SH3BP5: variants seen among roughly 807,000 people sequenced by gnomAD.
The protein encoded by SH3BP5 is SH3 domain-binding protein 5.
In SH3BP5, 22 loss-of-function variants were observed where a neutral mutation model predicts 43.3. The ratio of observed to expected loss-of-function variants is 0.51; its 90% CI spans 0.36 to 0.73. The LOEUF (loss-of-function observed/expected upper bound fraction) is 0.73. SH3BP5 is among the 30% of genes least tolerant of loss of function. The pLI is 0.00. For missense variants in SH3BP5, 529 were observed against 586.9 expected, an observed-to-expected ratio of 0.90 and a Z score of 1.02; for synonymous variants, 255 against 225.8, an observed-to-expected ratio of 1.13 and a Z score of -1.16.
chr3:15,320,890 G>A (rs981785293), intron 2 of SH3BP5, among the ~76,000 whole-genome samples: 2 of 152,148 alleles, frequency 1.3e-5, no homozygotes, highest in African/African-American at 4.8e-5. Flanking sequence ...TAGGAAAGTC[G>A]GCGTGTACTG....
chr3:15,256,123 C>T lies in SH3BP5; in HGVS notation c.1331G>A (p.Gly444Glu). The T allele has an allele frequency of 6.2e-7, 1 of 1,614,194 alleles. No individual in the cohort carries two copies. Among genetic ancestry groups the T allele is most frequent in the Non-Finnish European group, 8.5e-7 (1 of 1,180,008 alleles). The change falls in exon 9 of 9, where the codon GGA becomes GAA. Residue 444 changes from glycine to glutamate, a missense_variant. Physicochemically the swap from Gly to Glu is moderately conservative, Grantham distance 98. Around this residue, in one of 3 missense-constraint regions of SH3BP5, gnomAD observed 369 missense variants for 384.3 expected, o/e 0.96. Coordinates refer to ENST00000383791, the MANE Select transcript of SH3BP5 (RefSeq NM_004844.5). ...CACCATTTTTATGTCAGCAATAATT[C>T]CATCTCTTCCCTTTGAGCACTGTAG... ...LSLQCSKGRD[G>E]IIADIKMVQI...
rs11475958 is a variant in SH3BP5 at position 15,305,116 on chromosome 3, CAA to C, written c.202-887_202-886del. Reference sequence around the variant, plus strand: ...TGGGTGACAGAGTGAGACACTGTCTCAAAAAAAAAAAAAATTAATTCATTATA... The same window carrying C: ...TGGGTGACAGAGTGAGACACTGTCTCAAAAAAAAAAAATTAATTCATTATA... On this transcript the variant is annotated intron_variant, in intron 2 of 8. Coordinates refer to ENST00000383791, the MANE Select transcript of SH3BP5 (RefSeq NM_004844.5). 4.1e-3 allele frequency among the ~76,000 whole-genome samples: 479 copies of C among 116,098 alleles called. 3 individuals carry two copies. The highest frequency in any genetic ancestry group is 0.012 in the South Asian group (47 of 3,922). The allele number at this position is 116,098 out of a possible 152,430, so 76.2% of individuals were successfully genotyped here. A position where few individuals can be genotyped will look rare whatever the true frequency, so the allele number is the denominator to read the frequency against.
intron 3 of SH3BP5, among the ~76,000 whole-genome samples, chr3:15,296,446 G>T (rs1045593504): frequency 1.3e-5 from 2 of 152,096 alleles, no homozygotes; most frequent in African/African-American, 2.4e-5. Flanking sequence ...AGACTGCCAT[G>T]AGGGGAATGT....
intron 4 of SH3BP5, among the ~76,000 whole-genome samples, chr3:15,264,803 T>C (rs1286518501): frequency 6.6e-6 from 1 of 152,264 alleles, no homozygotes; most frequent in Non-Finnish European, 1.5e-5. Flanking sequence ...CTTTAAGGAT[T>C]TACTGGTATA....
intron 3 of SH3BP5, among the ~76,000 whole-genome samples, chr3:15,301,198 A>T (rs2125107937): frequency 6.6e-6 from 1 of 152,302 alleles, no homozygotes; most frequent in East Asian, 1.9e-4. Context: ...AACTCAACCC[A>T]GACGAGGCTG....
chr3:15,288,615 G>A (rs1697329149), intron 3 of SH3BP5, among the ~76,000 whole-genome samples: 1 of 152,204 alleles, frequency 6.6e-6, no homozygotes, highest in East Asian at 1.9e-4. Context: ...AAATTAGCCA[G>A]ACATGGTGGT....
At chr3:15,280,288 T>C (rs1697086099) in intron 3 of SH3BP5, among the ~76,000 whole-genome samples, 2 of 152,152 alleles carry the variant, frequency 1.3e-5, no homozygotes, top group South Asian at 2.1e-4. Flanking sequence ...CGCTCTCACC[T>C]TCATGCTCTA....
At chr3:15,333,997 A>C (rs1435896753), upstream of SH3BP5, among the ~76,000 whole-genome samples, 1 of 152,206 alleles carries the variant, frequency 6.6e-6, no homozygotes, top group Admixed American at 6.5e-5. Flanking sequence ...TGAGCCTCCA[A>C]CTTTGCAGGT....
chr3:15,325,490 C>T (rs1698437527), intron 2 of SH3BP5, among the ~76,000 whole-genome samples: 1 of 152,242 alleles, frequency 6.6e-6, no homozygotes, highest in Non-Finnish European at 1.5e-5. Flanking sequence ...TACTGCATTC[C>T]TCTCCCTCCC....
intron 4 of SH3BP5, among the ~76,000 whole-genome samples, chr3:15,266,961 T>A (rs1696663682): frequency 6.6e-6 from 1 of 152,254 alleles, no homozygotes; most frequent in Non-Finnish European, 1.5e-5. Flanking sequence ...GCCACTGCCA[T>A]TTCTTCAAGA....
Position 15,255,518 on chromosome 3 carries a change from C to T in SH3BP5, c.*568G>A, listed in dbSNP as rs1696163531. 6.6e-6 allele frequency: 1 copy of T among 152,342 alleles called. No homozygotes were observed. Among genetic ancestry groups the T allele is most frequent in the Admixed American group, 6.6e-5 (1 of 15,258 alleles). 9.4% of individuals were successfully genotyped at this position (152,342 alleles called of 1,614,324 possible). A position where few individuals can be genotyped will look rare whatever the true frequency, so the allele number is the denominator to read the frequency against. On this transcript the variant is annotated 3_prime_UTR_variant, in exon 9 of 9. Coordinates refer to ENST00000383791, the MANE Select transcript of SH3BP5 (RefSeq NM_004844.5). ...TTTAATGGGTATCCCAGCATACACG[C>T]TTTTTTAAAAGCCCCCTCTGAACAC...
In SH3BP5 at chr3:15,262,166, T is replaced by C; in HGVS notation, c.619A>G (p.Lys207Glu). 6.2e-7 allele frequency: 1 copy of C among 1,614,056 alleles called. No individual in the cohort carries two copies. The highest frequency in any genetic ancestry group is 2.2e-5 in the East Asian group (1 of 44,876). Residue 207 changes from lysine (K) to glutamate (E), a missense_variant, in exon 5 of 9, where the codon AAG becomes GAG. Lys to Glu is a moderately conservative substitution (Grantham distance 56). This residue lies in a region of SH3BP5 where 369 missense variants were observed against 384.3 expected (regional missense o/e 0.96). Coordinates refer to ENST00000383791, the MANE Select transcript of SH3BP5 (RefSeq NM_004844.5). ...GGCCCTGTCCAGACTTACTTGGACT[T>C]GTTGATGGCTCTCTTGAGTTTCTTC... ...LEKKLKRAIN[K>E]SKPYFELKAK...
At chr3:15,301,539 G>A (rs539295014) in intron 3 of SH3BP5, among the ~76,000 whole-genome samples, 3 of 152,270 alleles carry the variant, frequency 2.0e-5, no homozygotes, top group Admixed American at 2.0e-4. Flanking sequence ...AAAAAGGAAA[G>A]CAAGGCATGG....
chr3:15,324,808 T>G (rs564100995), intron 2 of SH3BP5, among the ~76,000 whole-genome samples: 1 of 146,916 alleles, frequency 6.8e-6, no homozygotes, highest in Admixed American at 6.9e-5. Context: ...ACCTCCAAGT[T>G]TCTAAGCTCA....
chr3:15,260,134 C>G (rs1256681867), intron 5 of SH3BP5: 1 of 353,474 alleles, frequency 2.8e-6, no homozygotes, highest in Non-Finnish European at 5.3e-6. Context: ...ACAGGTTATA[C>G]CCAGCAGTAA....
intron 4 of SH3BP5, chr3:15,264,506 A>T (rs781404616): frequency 7.9e-5 from 12 of 152,222 alleles, no homozygotes; most frequent in Non-Finnish European, 1.6e-4. Flanking sequence ...TTATATTTGT[A>T]TCCCAATTAT....
chr3:15,312,423 A>T (rs191307802), intron 2 of SH3BP5, among the ~76,000 whole-genome samples: 2 of 152,294 alleles, frequency 1.3e-5, no homozygotes, highest in East Asian at 3.9e-4. Context: ...TATATGGCAA[A>T]TATTAATATT....
At chr3:15,302,997 G>C (rs1451789594) in intron 3 of SH3BP5, among the ~76,000 whole-genome samples, 1 of 152,004 alleles carries the variant, frequency 6.6e-6, no homozygotes, top group Non-Finnish European at 1.5e-5. Context: ...TTAGAAGAGA[G>C]GGGTTTCAAC....
chr3:15,289,952 T>C (rs952443209), intron 3 of SH3BP5, among the ~76,000 whole-genome samples: 1 of 152,164 alleles, frequency 6.6e-6, no homozygotes, highest in Non-Finnish European at 1.5e-5. Flanking sequence ...ACTTAAAGAA[T>C]GCAAAAACCT....
Sources: allele counts gnomAD v4.1 joint callset (sites outside exome capture counted in the v4.1 genomes callset), GRCh38; gene constraint gnomAD v4.1.1; regional missense constraint gnomAD v4.1.1; transcripts MANE v1.5; gene names NCBI Gene and HGNC (gene_info 2026-07-23, HGNC 2026-07-21).